Variants in PKNOX2 observed in about 807,000 individuals in gnomAD.
PKNOX2 encodes the protein homeobox protein PKNOX2.
PKNOX2 carries 14 observed loss-of-function variants against 53.1 expected under a neutral mutation model. The ratio of observed to expected loss-of-function variants is 0.26; its 90% CI spans 0.17 to 0.41. The LOEUF is 0.41. Among genes scored for constraint, PKNOX2 ranks in the 10% least tolerant of loss-of-function variants. PKNOX2 has a pLI of 1.00. For synonymous variants in PKNOX2, 257 were observed against 242.8 expected, an observed-to-expected ratio of 1.06 and a Z score of -0.54; for missense variants, 496 against 602.8, an observed-to-expected ratio of 0.82 and a Z score of 1.85.
chr11:125,334,317 T>G (rs1277412934), intron 3 of PKNOX2, among the ~76,000 whole-genome samples: 1 of 152,174 alleles, frequency 6.6e-6, no homozygotes, highest in Non-Finnish European at 1.5e-5. Flanking sequence ...AAACCTTAGT[T>G]CTCAAGAGCC....
At chr11:125,179,513 GC>G (rs59023388) in intron 1 of PKNOX2, among the ~76,000 whole-genome samples, 36,003 of 151,994 alleles carry the variant, frequency 0.24, 4,497 homozygotes, top group East Asian at 0.44. Flanking sequence ...AGAGTTGAAG[GC>G]CCCCCGGCAG....
intron 2 of PKNOX2, among the ~76,000 whole-genome samples, chr11:125,329,613 C>T (rs1432936195): frequency 1.3e-5 from 2 of 152,178 alleles, no homozygotes; most frequent in East Asian, 3.9e-4. Context: ...TGACAAGCAG[C>T]ATGTTATTTG....
chr11:125,234,597 C>A (rs1031236375), intron 1 of PKNOX2, among the ~76,000 whole-genome samples: 1 of 152,178 alleles, frequency 6.6e-6, no homozygotes, highest in Non-Finnish European at 1.5e-5. Flanking sequence ...GTTTGCTTGC[C>A]TTTTGCAGCC....
At chr11:125,406,010 G>C (rs1955070886) in intron 7 of PKNOX2, among the ~76,000 whole-genome samples, 1 of 152,306 alleles carries the variant, frequency 6.6e-6, no homozygotes, top group African/African-American at 2.4e-5. Flanking sequence ...GCTGAAAAAA[G>C]TAACTAGAAC....
chr11:125,175,077 C>T (rs1028769360), intron 1 of PKNOX2, among the ~76,000 whole-genome samples: 2 of 152,184 alleles, frequency 1.3e-5, no homozygotes, highest in African/African-American at 2.4e-5. Flanking sequence ...TTCATGAGAG[C>T]CTCTTAATGG....
chr11:125,310,863 A>T (rs1165959837), intron 2 of PKNOX2, among the ~76,000 whole-genome samples: 1 of 152,154 alleles, frequency 6.6e-6, no homozygotes, highest in Non-Finnish European at 1.5e-5. Flanking sequence ...CTTGAAAAAA[A>T]CAAAGCCAAG....
At chr11:125,308,816 G>GTC (rs1434745765) in intron 2 of PKNOX2, among the ~76,000 whole-genome samples, 1 of 152,150 alleles carries the variant, frequency 6.6e-6, no homozygotes, top group Non-Finnish European at 1.5e-5. Flanking sequence ...GGGGAAATTG[G>GTC]TCTCTCTGTC....
At chr11:125,202,215 GC>G (rs1938530903) in intron 1 of PKNOX2, among the ~76,000 whole-genome samples, 1 of 152,164 alleles carries the variant, frequency 6.6e-6, no homozygotes. Flanking sequence ...CCCCAAGACA[GC>G]CCCCCATCTC....
At chr11:125,244,615 T>C (rs544063922) in intron 2 of PKNOX2, among the ~76,000 whole-genome samples, 8 of 152,348 alleles carry the variant, frequency 5.3e-5, no homozygotes, top group African/African-American at 1.7e-4. Flanking sequence ...TGGGAGGCTT[T>C]TCATTACCAA....
chr11:125,199,104 G>T (rs1456936629), intron 1 of PKNOX2, among the ~76,000 whole-genome samples: 1 of 152,126 alleles, frequency 6.6e-6, no homozygotes, highest in Non-Finnish European at 1.5e-5. Context: ...GCCTCCCAAA[G>T]TGCTGGGATT....
chr11:125,188,489 T>A (rs1285391427), intron 1 of PKNOX2, among the ~76,000 whole-genome samples: 2 of 152,286 alleles, frequency 1.3e-5, no homozygotes, highest in East Asian at 1.9e-4. Flanking sequence ...AACTATAGCA[T>A]CTTCTTTCTT....
chr11:125,243,662 G>T (rs575902145), intron 2 of PKNOX2, among the ~76,000 whole-genome samples: 1 of 146,916 alleles, frequency 6.8e-6, no homozygotes, highest in Non-Finnish European at 1.5e-5. Context: ...TCGCTCTGTC[G>T]CCCAGGCTGG....
intron 2 of PKNOX2, among the ~76,000 whole-genome samples, chr11:125,317,498 T>C (rs201923500): frequency 6.6e-6 from 1 of 152,254 alleles, no homozygotes; most frequent in East Asian, 1.9e-4. Flanking sequence ...GCAGAATGGA[T>C]GTTGTGTTAG....
intron 2 of PKNOX2, among the ~76,000 whole-genome samples, chr11:125,266,383 G>A (rs956254314): frequency 6.6e-6 from 1 of 152,112 alleles, no homozygotes; most frequent in Admixed American, 6.5e-5. Context: ...ACTTTTGGGG[G>A]CATTTAGCCA....
At chr11:125,173,610 T>C (rs964864621) in intron 1 of PKNOX2, among the ~76,000 whole-genome samples, 4 of 152,178 alleles carry the variant, frequency 2.6e-5, no homozygotes, top group African/African-American at 9.6e-5. Flanking sequence ...GTCTAGAAGA[T>C]CTGTTTTTTA....
chr11:125,267,537 C>A (rs549033693), intron 2 of PKNOX2, among the ~76,000 whole-genome samples: 1 of 152,206 alleles, frequency 6.6e-6, no homozygotes, highest in South Asian at 2.1e-4. Flanking sequence ...AGCTGGGGTG[C>A]TTTCTAGCTC....
intron 6 of PKNOX2, among the ~76,000 whole-genome samples, chr11:125,392,864 A>G (rs1954135382): frequency 6.6e-6 from 1 of 152,108 alleles, no homozygotes; most frequent in South Asian, 2.1e-4. Context: ...TTTGTCTAGA[A>G]AAGAGAAAGT....
chr11:125,322,917 G>A (rs1267610501), intron 2 of PKNOX2, among the ~76,000 whole-genome samples: 2 of 152,158 alleles, frequency 1.3e-5, no homozygotes, highest in East Asian at 1.9e-4. Context: ...AAAAGTTAAC[G>A]GATGGGATTG....
chr11:125,195,887 A>G (rs7109325), intron 1 of PKNOX2, among the ~76,000 whole-genome samples: 5 of 48,802 alleles, frequency 1.0e-4, no homozygotes, highest in African/African-American at 1.7e-4. Flanking sequence ...GTACATGCAC[A>G]CACACACACA....
Sources: allele counts gnomAD v4.1 joint callset (sites outside exome capture counted in the v4.1 genomes callset), GRCh38; gene constraint gnomAD v4.1.1; transcripts MANE v1.5; gene names NCBI Gene and HGNC (gene_info 2026-07-23, HGNC 2026-07-21).